Variants in TMBIM6 observed in about 807,000 individuals in gnomAD.
TMBIM6 encodes transmembrane BAX inhibitor motif containing 6.
In TMBIM6, 13 loss-of-function variants were observed where a neutral mutation model predicts 31.4. The ratio of observed to expected loss-of-function variants is 0.41; its 90% CI spans 0.27 to 0.66. The LOEUF (loss-of-function observed/expected upper bound fraction) is 0.66, where lower values mean the gene tolerates loss of function less well. Ranked by LOEUF, TMBIM6 falls within the 30% of genes least tolerant of loss-of-function variation. The pLI is 0.28. For missense variants in TMBIM6, 275 were observed against 289.5 expected, an observed-to-expected ratio of 0.95 and a Z score of 0.36; for synonymous variants, 85 against 101.7, an observed-to-expected ratio of 0.84 and a Z score of 0.99.
At chr12:49,742,499 A>G (rs1945315873) in intron 1 of TMBIM6, 1 of 489,192 alleles carries the variant, frequency 2.0e-6, no homozygotes, top group African/African-American at 2.0e-5. Flanking sequence ...GACCACCCCC[A>G]CAACAAAAAT....
At chr12:49,753,155 C>A in intron 3 of TMBIM6, 74 bp downstream of exon 3, 1 of 1,140,694 alleles carries the variant, frequency 8.8e-7, no homozygotes, top group East Asian at 2.4e-5. Context: ...CAAGGTGGTC[C>A]AAGGGACCCT....
In TMBIM6 at chr12:49,764,112, C is replaced by T. The variant is rs571109254; in HGVS notation, c.*1216C>T. The T allele has an allele frequency of 1.3e-5, 2 of 152,284 alleles. No homozygotes were observed. Among genetic ancestry groups the T allele is most frequent in the East Asian group, 3.9e-4 (2 of 5,180 alleles). The allele number at this position is 152,284 out of a possible 1,614,324, so 9.4% of individuals were successfully genotyped here. A position where few individuals can be genotyped will look rare whatever the true frequency, so the allele number is the denominator to read the frequency against. On this transcript the variant is annotated 3_prime_UTR_variant, in exon 10 of 10. Transcript: ENST00000267115. ...GGCCTTTTAGGCGGGAGTTAGGCGA[C>T]CAAACCAGTGAGAGCCCCAATCCCT...
intron 1 of TMBIM6, among the ~76,000 whole-genome samples, chr12:49,745,905 G>A (rs1464867764): frequency 6.6e-6 from 1 of 152,122 alleles, no homozygotes; most frequent in Admixed American, 6.5e-5. Flanking sequence ...GGTAGGCTAG[G>A]CTTAAGCTAT....
At chr12:49,748,074 T>C (rs1169193505) in intron 1 of TMBIM6, among the ~76,000 whole-genome samples, 2 of 152,114 alleles carry the variant, frequency 1.3e-5, no homozygotes, top group Non-Finnish European at 2.9e-5. Flanking sequence ...CAGCTAATTT[T>C]TGTATTTTTA....
At chr12:49,757,418 G>A (rs1033698142) in intron 4 of TMBIM6, among the ~76,000 whole-genome samples, 1 of 152,200 alleles carries the variant, frequency 6.6e-6, no homozygotes, top group East Asian at 1.9e-4. Flanking sequence ...TCTGTTCTGA[G>A]TCTTACAGAC....
intron 9 of TMBIM6, 91 bp downstream of exon 9, chr12:49,761,870 C>A: frequency 8.1e-7 from 1 of 1,242,116 alleles, no homozygotes; most frequent in Non-Finnish European, 1.2e-6. Flanking sequence ...TGCTCACACA[C>A]TGTGTTAGGT....
At chr12:49,752,172 T>G (rs1945506115) in intron 1 of TMBIM6, among the ~76,000 whole-genome samples, 1 of 152,208 alleles carries the variant, frequency 6.6e-6, no homozygotes. Context: ...TTTTATAAAC[T>G]TACTGCCTTT....
rs1565919576 is a variant in TMBIM6 at position 49,752,545 on chromosome 12, CAT to C, written c.55_56del (p.Ile19AsnfsTer58). The stretch of plus-strand genomic sequence containing the variant: ...CTTTGATGCGCTTTTAAAATTTTCT[CAT>C]ATGTAAGTGTTTTGACCTTGACTGG... ...INFDALLKFSHITPSTQQHLK... is the reference protein window; with the variant it reads ...INFDALLKFSXITPSTQQHLK... On this transcript the variant is annotated frameshift_variant and splice_region_variant, in exon 2 of 10. Coordinates refer to ENST00000267115, the MANE Select transcript of TMBIM6 (RefSeq NM_003217.3). LOFTEE classifies it high-confidence loss of function. 6.2e-7 allele frequency: 1 copy of C among 1,612,744 alleles called. No individual in the cohort carries two copies. Among genetic ancestry groups the C allele is most frequent in the Admixed American group, 1.7e-5 (1 of 59,938 alleles).
At chr12:49,747,893 T>G (rs1945424920) in intron 1 of TMBIM6, among the ~76,000 whole-genome samples, 1 of 152,064 alleles carries the variant, frequency 6.6e-6, no homozygotes, top group Non-Finnish European at 1.5e-5. Flanking sequence ...AGAGAATGGT[T>G]GTGTTTTTTT....
At position 49,758,247 on chromosome 12, in the gene TMBIM6, C is replaced by T. The variant is rs888240648; in HGVS notation, c.307C>T (p.Leu103=). 1.9e-6 allele frequency: 3 copies of T among 1,614,256 alleles called. No individual in the cohort carries two copies. Among genetic ancestry groups the T allele is most frequent in the East Asian group, 2.2e-5 (1 of 44,892 alleles). Residue 103 remains leucine, a synonymous_variant, in exon 5 of 10, where the codon CTG becomes TTG. Coordinates refer to ENST00000267115, the MANE Select transcript of TMBIM6 (RefSeq NM_003217.3). ...FLTGVGLGPA[L]EFCIAVNPSI... is the part of the protein sequence containing the mutation. ...TCTAGGAGTTGGCCTGGGCCCTGCC[C>T]TGGAGTTTTGTATTGCTGTCAACCC... is the stretch of plus-strand genomic sequence containing the variant.
At chr12:49,757,667 C>G (rs1358038138) in intron 4 of TMBIM6, among the ~76,000 whole-genome samples, 1 of 152,086 alleles carries the variant, frequency 6.6e-6, no homozygotes, top group African/African-American at 2.4e-5. Context: ...TCAGGGCAAG[C>G]TAGTTTTTGA....
At chr12:49,751,423 T>C (rs1160311905) in intron 1 of TMBIM6, among the ~76,000 whole-genome samples, 2 of 152,250 alleles carry the variant, frequency 1.3e-5, no homozygotes, top group South Asian at 2.1e-4. Flanking sequence ...ATGTGAAATA[T>C]TAGCATTTAG....
At chr12:49,759,981 G>C (rs1052119646) in intron 8 of TMBIM6, among the ~76,000 whole-genome samples, 1 of 148,984 alleles carries the variant, frequency 6.7e-6, no homozygotes, top group East Asian at 2.0e-4. Context: ...GCGTGGTGGC[G>C]GGCACCTGTA....
intron 7 of TMBIM6, 49 bp from the exon 8 acceptor site, chr12:49,759,172 T>C (rs770935939): frequency 3.4e-5 from 52 of 1,528,300 alleles, no homozygotes; most frequent in Admixed American, 8.5e-5. Context: ...TGGTTTTTTT[T>C]TCTCTGCAAC....
intron 9 of TMBIM6, among the ~76,000 whole-genome samples, 162 bp from the exon 10 acceptor site, chr12:49,762,711 G>A (rs919990970): frequency 6.6e-6 from 1 of 152,172 alleles, no homozygotes; most frequent in African/African-American, 2.4e-5. Flanking sequence ...ACCACCAGTA[G>A]GATGTGGTTA....
chr12:49,747,982 C>G (rs1288814865), intron 1 of TMBIM6, among the ~76,000 whole-genome samples: 1 of 152,172 alleles, frequency 6.6e-6, no homozygotes, highest in East Asian at 1.9e-4. Flanking sequence ...CAGTTCACTG[C>G]AACCTCCGCT....
chr12:49,742,931 C>G (rs1440026700), intron 1 of TMBIM6, among the ~76,000 whole-genome samples: 1 of 151,204 alleles, frequency 6.6e-6, no homozygotes, highest in East Asian at 1.9e-4. Context: ...CCATAGTTTG[C>G]TTCTTCCGTT....
intron 1 of TMBIM6, among the ~76,000 whole-genome samples, chr12:49,746,610 A>T (rs762943077): frequency 3.9e-5 from 6 of 152,218 alleles, no homozygotes; most frequent in Non-Finnish European, 4.4e-5. Flanking sequence ...AGTGAGGTTA[A>T]GTGCCAGCAG....
At position 49,757,229 on chromosome 12, in the gene TMBIM6, T is replaced by A. The variant is rs149769152; in HGVS notation, c.287-998T>A. On this transcript the variant is annotated intron_variant, in intron 4 of 9. Coordinates refer to ENST00000267115, the MANE Select transcript of TMBIM6 (RefSeq NM_003217.3). ...TGTTTCCCCATCCATTAGGGGAAAC[T>A]CTGTGAGTAGCCACTGTGACTCTAC... is the stretch of plus-strand genomic sequence containing the variant. Among the ~76,000 whole-genome samples the A allele has an allele frequency of 1.5e-3, 236 of 152,294 alleles. 6 individuals carry two copies. In the East Asian group the frequency reaches 0.04, roughly 26 times the overall value.
Sources: allele counts gnomAD v4.1 joint callset (sites outside exome capture counted in the v4.1 genomes callset), GRCh38; gene constraint gnomAD v4.1.1; transcripts MANE v1.5; gene names NCBI Gene and HGNC (gene_info 2026-07-23, HGNC 2026-07-21).